The following SDK1 variants were observed in gnomAD, a reference collection of about 807,000 sequenced individuals.
SDK1 encodes sidekick cell adhesion molecule 1.
SDK1 carries 157 observed loss-of-function variants against 245.5 expected under a neutral mutation model. The ratio of observed to expected loss-of-function variants is 0.64; its 90% CI spans 0.56 to 0.73. The LOEUF is 0.73. Ranked by LOEUF, SDK1 falls within the 30% of genes least tolerant of loss-of-function variation. The pLI is 0.00. For missense variants in SDK1, 3,583 were observed against 3,002.3 expected, an observed-to-expected ratio of 1.19 and a Z score of -4.52; for synonymous variants, 1,647 against 1,278.5, an observed-to-expected ratio of 1.29 and a Z score of -6.15.
At chr7:3,625,943 T>TTTC (rs748684790) in intron 2 of SDK1, among the ~76,000 whole-genome samples, 187 of 17,978 alleles carry the variant, frequency 0.01, no homozygotes, top group Non-Finnish European at 0.015. Context: ...CTTTTCTTTC[T>TTTC]TTTTTTTTTT....
chr7:3,633,975 C>G (rs1311714718), intron 2 of SDK1, among the ~76,000 whole-genome samples: 2 of 152,024 alleles, frequency 1.3e-5, no homozygotes, highest in African/African-American at 2.4e-5. Context: ...GACTAGGGCT[C>G]CACTGTGCCC....
At chr7:3,527,318 A>G (rs539943422) in intron 1 of SDK1, among the ~76,000 whole-genome samples, 1 of 152,224 alleles carries the variant, frequency 6.6e-6, no homozygotes, top group South Asian at 2.1e-4. Flanking sequence ...ATAGAGCTGC[A>G]GAGTGTTGAG....
intron 22 of SDK1, among the ~76,000 whole-genome samples, chr7:4,085,263 G>T (rs920645915): frequency 7.2e-5 from 11 of 152,132 alleles, no homozygotes; most frequent in Non-Finnish European, 4.4e-5. Context: ...TATAATCTCA[G>T]TGGTATGACT....
intron 29 of SDK1, among the ~76,000 whole-genome samples, chr7:4,146,779 A>G (rs770431333): frequency 6.6e-6 from 1 of 152,246 alleles, no homozygotes; most frequent in African/African-American, 2.4e-5. Flanking sequence ...CAGGTGCTCC[A>G]TGCACTGCAC....
rs866736844 is a variant in SDK1 at position 3,606,588 on chromosome 7, C to G, written c.299-12492C>G. 2.0e-5 allele frequency among the ~76,000 whole-genome samples: 3 copies of G among 152,280 alleles called. No homozygotes were observed. In the Middle Eastern group the frequency reaches 0.01, roughly 518 times the overall value. ...CTGGTCTTAGAACACAGTGGACTGACTCCCACATCAGCGACTTTGTACTTG... is the reference window on the plus strand; with the variant it reads ...CTGGTCTTAGAACACAGTGGACTGAGTCCCACATCAGCGACTTTGTACTTG... On this transcript the variant is annotated intron_variant, in intron 1 of 44. Coordinates refer to ENST00000404826, the MANE Select transcript of SDK1 (RefSeq NM_152744.4).
At chr7:3,346,777 A>G (rs1359411059) in intron 1 of SDK1, among the ~76,000 whole-genome samples, 2 of 118,328 alleles carry the variant, frequency 1.7e-5, no homozygotes, top group Non-Finnish European at 3.3e-5. Context: ...GTATATATGT[A>G]TACATATATA....
chr7:3,773,681 A>C (rs1438244157), intron 4 of SDK1, among the ~76,000 whole-genome samples: 17 of 151,980 alleles, frequency 1.1e-4, no homozygotes, highest in Admixed American at 1.1e-3. Context: ...TTTCCCCCTT[A>C]CCCAAAGTTT....
chr7:3,837,945 A>G (rs1780063015), intron 5 of SDK1, among the ~76,000 whole-genome samples: 1 of 152,158 alleles, frequency 6.6e-6, no homozygotes, highest in African/African-American at 2.4e-5. Context: ...AACAGTGGTA[A>G]GAGCTTGTCC....
At chr7:3,363,779 C>T (rs573901839) in intron 1 of SDK1, among the ~76,000 whole-genome samples, 6 of 152,348 alleles carry the variant, frequency 3.9e-5, no homozygotes, top group Admixed American at 1.3e-4. Context: ...GGGAATGCTC[C>T]TTCGTCCACT....
chr7:4,004,403 C>T (rs1785303234), intron 14 of SDK1, among the ~76,000 whole-genome samples: 1 of 152,112 alleles, frequency 6.6e-6, no homozygotes, highest in Admixed American at 6.5e-5. Flanking sequence ...TAACTGTAAC[C>T]TGGGGGAACT....
chr7:3,502,793 T>G (rs1350434469), intron 1 of SDK1, among the ~76,000 whole-genome samples: 1 of 152,214 alleles, frequency 6.6e-6, no homozygotes, highest in East Asian at 1.9e-4. Context: ...TTCTTACACG[T>G]GAGAGGGCTG....
chr7:3,637,492 A>G (rs1212942110), intron 2 of SDK1, among the ~76,000 whole-genome samples: 2 of 152,222 alleles, frequency 1.3e-5, no homozygotes, highest in Non-Finnish European at 2.9e-5. Flanking sequence ...CAATTACTCT[A>G]CCATCTTGGG....
At chr7:3,445,492 T>C (rs991548536) in intron 1 of SDK1, among the ~76,000 whole-genome samples, 2 of 152,204 alleles carry the variant, frequency 1.3e-5, no homozygotes, top group Admixed American at 1.3e-4. Flanking sequence ...GAACCATTCC[T>C]TTTAACTTTT....
chr7:3,787,183 C>CAT (rs1780929539), intron 4 of SDK1, among the ~76,000 whole-genome samples: 1 of 151,606 alleles, frequency 6.6e-6, no homozygotes, highest in Non-Finnish European at 1.5e-5. Flanking sequence ...CACACACACA[C>CAT]ACACTCCCAT....
intron 5 of SDK1, among the ~76,000 whole-genome samples, chr7:3,944,467 A>G (rs1780498044): frequency 6.6e-6 from 1 of 152,230 alleles, no homozygotes; most frequent in Admixed American, 6.5e-5. Context: ...AGTAGAAGGT[A>G]ATAGTAGCGG....
At chr7:3,701,718 T>C (rs1168923565) in intron 4 of SDK1, among the ~76,000 whole-genome samples, 1 of 152,156 alleles carries the variant, frequency 6.6e-6, no homozygotes, top group Non-Finnish European at 1.5e-5. Context: ...CTATTCAATC[T>C]GAATTCTTAC....
chr7:4,229,359 T>C (rs905127926), intron 40 of SDK1, among the ~76,000 whole-genome samples: 5 of 152,196 alleles, frequency 3.3e-5, no homozygotes, highest in African/African-American at 9.6e-5. Flanking sequence ...AATGGGAACA[T>C]TTTCTTCTGT....
At chr7:3,641,853 C>A in intron 3 of SDK1, 105 bp from the exon 4 acceptor site, 2 of 876,276 alleles carry the variant, frequency 2.3e-6, no homozygotes. Context: ...TGAAATGTGG[C>A]AGCATCAGTG....
At chr7:4,171,192 G>A (rs923505702) in intron 32 of SDK1, among the ~76,000 whole-genome samples, 5 of 152,220 alleles carry the variant, frequency 3.3e-5, no homozygotes, top group Admixed American at 2.6e-4. Flanking sequence ...GTGGCCACGT[G>A]CCCCAGGGAC....
Sources: allele counts gnomAD v4.1 joint callset (sites outside exome capture counted in the v4.1 genomes callset), GRCh38; gene constraint gnomAD v4.1.1; transcripts MANE v1.5; gene names NCBI Gene and HGNC (gene_info 2026-07-23, HGNC 2026-07-21).